Variants in RNASE11 observed in about 807,000 individuals in gnomAD.
RNASE11 encodes putative inactive ribonuclease 11.
For missense variants in RNASE11, 252 were observed against 237.8 expected, an observed-to-expected ratio of 1.06 and a Z score of -0.39; for synonymous variants, 105 against 86.1, an observed-to-expected ratio of 1.22 and a Z score of -1.21.
upstream of RNASE11, chr14:20,587,801 T>C: frequency 1.0e-6 from 1 of 985,470 alleles, no homozygotes; most frequent in Non-Finnish European, 1.2e-6. Context: ...CTAAATCTGA[T>C]CAATCGCATG....
At chr14:20,587,682 GC>G in exon 1 of RNASE11, 1 of 985,298 alleles carries the variant, frequency 1.0e-6, no homozygotes, top group Non-Finnish European at 1.2e-6. Flanking sequence ...ATGAAACTCA[GC>G]TGAAAAACGG....
chr14:20,584,329 A>G, exon 2 of RNASE11: 1 of 1,614,002 alleles, frequency 6.2e-7, no homozygotes, highest in Non-Finnish European at 8.5e-7. Context: ...TAATATCTCA[A>G]TGGTCTGTTT....
intron 1 of RNASE11, among the ~76,000 whole-genome samples, chr14:20,585,728 T>C (rs1884420986): frequency 6.6e-6 from 1 of 152,238 alleles, no homozygotes; most frequent in Non-Finnish European, 1.5e-5. Flanking sequence ...CATTCATAGC[T>C]GCCTGAGTTT....
upstream of RNASE11, among the ~76,000 whole-genome samples, chr14:20,589,032 C>T (rs1380122722): frequency 6.6e-6 from 1 of 152,178 alleles, no homozygotes; most frequent in African/African-American, 2.4e-5. Context: ...AGTGTTCCAC[C>T]TGCCTCAGCC....
At chr14:20,583,810 T>C in exon 2 of RNASE11, 4 of 1,490,550 alleles carry the variant, frequency 2.7e-6, no homozygotes, top group Non-Finnish European at 3.6e-6. Flanking sequence ...AGGAAAGGTT[T>C]AAACAAGAAT....
At chr14:20,588,641 G>T (rs1205256963), upstream of RNASE11, among the ~76,000 whole-genome samples, 1 of 152,168 alleles carries the variant, frequency 6.6e-6, no homozygotes, top group African/African-American at 2.4e-5. Flanking sequence ...CCTAAGAGGT[G>T]ACCTCTGTTG....
exon 2 of RNASE11, chr14:20,583,917 A>G: frequency 2.5e-6 from 4 of 1,613,816 alleles, no homozygotes; most frequent in Non-Finnish European, 3.4e-6. Context: ...TCAGAGAATG[A>G]CCTGTCAGCA....
upstream of RNASE11, among the ~76,000 whole-genome samples, chr14:20,589,588 T>A (rs915562925): frequency 1.3e-5 from 2 of 151,706 alleles, no homozygotes; most frequent in African/African-American, 4.8e-5. Flanking sequence ...TTGATTGTTT[T>A]AAAATACTGA....
At chr14:20,583,665 A>G in exon 2 of RNASE11, 2 of 240,774 alleles carry the variant, frequency 8.3e-6, no homozygotes, top group Non-Finnish European at 1.6e-5. Context: ...ACAGAGAGAG[A>G]GATAGAGAGA....
chr14:20,587,235 T>C lies in RNASE11; in HGVS notation c.-23+328A>G, dbSNP rs546415283. On this transcript the variant is annotated intron_variant, in intron 1 of 1. Coordinates refer to ENST00000553849, the Ensembl canonical transcript of RNASE11. Reference sequence around the variant, plus strand: ...GATACACACACACCCAAACTACGAATGTCTAAAATGTCACAATTCATTTGA... The same window carrying C: ...GATACACACACACCCAAACTACGAACGTCTAAAATGTCACAATTCATTTGA... Among the ~76,000 whole-genome samples, 20 of 152,290 alleles carry C rather than the reference T, an allele frequency of 1.3e-4. No homozygotes were observed. In the South Asian group the frequency reaches 4.1e-3, roughly 32 times the overall value.
chr14:20,588,856 G>A (rs996871840), upstream of RNASE11, among the ~76,000 whole-genome samples: 42 of 151,992 alleles, frequency 2.8e-4, no homozygotes, highest in African/African-American at 1.0e-3. Flanking sequence ...GCATGATCTC[G>A]GCTCACTGCA....
intron 1 of RNASE11, chr14:20,585,160 G>T: frequency 1.2e-6 from 1 of 846,788 alleles, no homozygotes; most frequent in Non-Finnish European, 1.4e-6. Context: ...CAGAGGGGTA[G>T]ATAGGGTTGT....
At chr14:20,583,913 A>G in exon 2 of RNASE11, 1 of 1,613,706 alleles carries the variant, frequency 6.2e-7, no homozygotes, top group Non-Finnish European at 8.5e-7. Flanking sequence ...CTCATCAGAG[A>G]ATGACCTGTC....
At chr14:20,585,117 G>T in intron 1 of RNASE11, 1 of 984,404 alleles carries the variant, frequency 1.0e-6, no homozygotes, top group Non-Finnish European at 1.2e-6. Context: ...GGGAGTTTCT[G>T]CTGTTGTGTC....
chr14:20,587,030 A>G (rs891221071), intron 1 of RNASE11, among the ~76,000 whole-genome samples: 3 of 152,208 alleles, frequency 2.0e-5, no homozygotes, highest in African/African-American at 7.2e-5. Context: ...GCATATGCCT[A>G]TAGTCCCAGC....
At chr14:20,583,784 T>A (rs768807783) in exon 2 of RNASE11, 56 of 1,367,938 alleles carry the variant, frequency 4.1e-5, no homozygotes, top group Non-Finnish European at 5.4e-5. Flanking sequence ...ACTATAGTGC[T>A]AAAGAGTAGA....
chr14:20,584,230 T>A (rs752773804), exon 2 of RNASE11: 1 of 1,614,130 alleles, frequency 6.2e-7, no homozygotes, highest in African/African-American at 1.3e-5. Context: ...GTCATTATAA[T>A]GTAAACTTCT....
upstream of RNASE11, among the ~76,000 whole-genome samples, chr14:20,589,066 C>T (rs1023800117): frequency 1.3e-5 from 2 of 152,136 alleles, no homozygotes; most frequent in Non-Finnish European, 2.9e-5. Flanking sequence ...GGATTACAGG[C>T]ATGAGCCACC....
upstream of RNASE11, chr14:20,590,206 C>G (rs1029345342): frequency 3.2e-5 from 51 of 1,569,246 alleles, no homozygotes; most frequent in Non-Finnish European, 4.1e-5. Context: ...GTCCACGGTC[C>G]AGGTCTGCCT....
Sources: allele counts gnomAD v4.1 joint callset (sites outside exome capture counted in the v4.1 genomes callset), GRCh38; gene constraint gnomAD v4.1.1; transcripts MANE v1.5; gene names NCBI Gene and HGNC (gene_info 2026-07-23, HGNC 2026-07-21).